The following MAPRE2 variants were observed in gnomAD, a reference collection of about 807,000 sequenced individuals.
MAPRE2 encodes microtubule-associated protein RP/EB family member 2.
MAPRE2 carries 13 observed loss-of-function variants against 43.2 expected under a neutral mutation model. The ratio of observed to expected loss-of-function variants is 0.30; its 90% CI spans 0.20 to 0.48. The LOEUF is 0.48. Ranked by LOEUF, MAPRE2 falls within the 20% of genes least tolerant of loss-of-function variation. The probability of loss-of-function intolerance (pLI) is 0.99; values close to 1 mark genes in which losing one functional copy is unlikely to be tolerated. For synonymous variants in MAPRE2, 135 were observed against 148.8 expected (o/e 0.91, Z 0.68); for missense variants, 161 against 400.2 (o/e 0.40, Z 5.10).
rs553023059 is a variant in MAPRE2 at position 35,015,872 on chromosome 18, C to T, written c.-8+10319C>T. ...AGTTTTATTACCTGGGTATATTGCA[C>T]GATGCTGACGTTTTGGGTATAACTG... On this transcript the variant is annotated intron_variant, in intron 2 of 7. Transcript: ENST00000413393. Among the ~76,000 whole-genome samples, 10 of 151,984 alleles carry T rather than the reference C, an allele frequency of 6.6e-5. No individual in the cohort carries two copies. In the South Asian group the frequency reaches 1.9e-3, roughly 28 times the overall value.
chr18:35,123,368 C>T (rs1004070838), intron 4 of MAPRE2, among the ~76,000 whole-genome samples: 11 of 152,176 alleles, frequency 7.2e-5, no homozygotes, highest in Non-Finnish European at 1.6e-4. Flanking sequence ...GATCCTAGCT[C>T]AGTTATTGCA....
At chr18:35,126,806 A>G (rs1201276687) in intron 4 of MAPRE2, 142 bp from the exon 5 acceptor site, 3 of 705,596 alleles carry the variant, frequency 4.3e-6, no homozygotes, top group Non-Finnish European at 7.0e-6. Flanking sequence ...TGAAATATTT[A>G]TACTCCTTCT....
intron 4 of MAPRE2, among the ~76,000 whole-genome samples, chr18:35,123,188 A>G (rs1909765080): frequency 6.6e-6 from 1 of 152,004 alleles, no homozygotes; most frequent in Non-Finnish European, 1.5e-5. Flanking sequence ...TCTACATCTT[A>G]TCAAACATTT....
rs912450576 is a variant in MAPRE2 at position 35,070,826 on chromosome 18, C to G, written c.250+504C>G. Among the ~76,000 whole-genome samples the G allele has an allele frequency of 3.3e-5, 5 of 152,142 alleles. No homozygotes were observed. In the East Asian group the frequency reaches 9.6e-4, roughly 29 times the overall value. ...TCTTTGTTCCCTAAAGACTCTTTCC[C>G]TTTTGTATCCCATAGCTTTTTTCAT... On this transcript the variant is annotated intron_variant, in intron 2 of 6. Transcript: ENST00000300249.
chr18:35,088,525 G>A (rs1907984797), intron 2 of MAPRE2, among the ~76,000 whole-genome samples: 1 of 152,194 alleles, frequency 6.6e-6, no homozygotes, highest in Non-Finnish European at 1.5e-5. Flanking sequence ...GGAGAGGGAT[G>A]TGATCTGAAT....
chr18:35,129,983 G>A (rs1160305651), intron 5 of MAPRE2, among the ~76,000 whole-genome samples: 1 of 152,222 alleles, frequency 6.6e-6, no homozygotes, highest in African/African-American at 2.4e-5. Context: ...AATGTTGGTA[G>A]TGGCAGCTGT....
At chr18:35,010,204 T>G (rs2097033804) in intron 2 of MAPRE2, among the ~76,000 whole-genome samples, 1 of 152,126 alleles carries the variant, frequency 6.6e-6, no homozygotes, top group African/African-American at 2.4e-5. Flanking sequence ...CTGGGCAATA[T>G]AGCAAGACCT....
chr18:35,132,698 C>T (rs1910212336), intron 6 of MAPRE2, among the ~76,000 whole-genome samples: 1 of 152,188 alleles, frequency 6.6e-6, no homozygotes, highest in African/African-American at 2.4e-5. Context: ...TGGGGAGGAG[C>T]TGCCACCAGA....
intron 1 of MAPRE2, among the ~76,000 whole-genome samples, chr18:35,003,320 A>C (rs965637633): frequency 3.3e-5 from 5 of 152,232 alleles, no homozygotes; most frequent in Non-Finnish European, 7.4e-5. Flanking sequence ...TAGTGTGGAC[A>C]TACAGATGAA....
intron 6 of MAPRE2, among the ~76,000 whole-genome samples, chr18:35,138,342 G>T (rs971491881): frequency 6.6e-6 from 1 of 152,152 alleles, no homozygotes; most frequent in Non-Finnish European, 1.5e-5. Context: ...TGGGCCTAAC[G>T]TTCCAGAAGT....
intron 1 of MAPRE2, among the ~76,000 whole-genome samples, chr18:35,059,038 C>T (rs1348819721): frequency 1.3e-5 from 2 of 148,612 alleles, no homozygotes; most frequent in Non-Finnish European, 3.0e-5. Flanking sequence ...GGCATTGTTG[C>T]AAAGATTAAA....
At chr18:34,993,992 CTTTTTT>C (rs11301716) in intron 1 of MAPRE2, among the ~76,000 whole-genome samples, 19 of 120,016 alleles carry the variant, frequency 1.6e-4, no homozygotes, top group Admixed American at 1.7e-4. Flanking sequence ...CATGGATTTT[CTTTTTT>C]TTTTTTTTTT....
In MAPRE2 at chr18:35,140,734, A is replaced by T. The variant is rs760079286; in HGVS notation, c.*365A>T. 2.7e-4 allele frequency: 61 copies of T among 224,948 alleles called. No individual in the cohort carries two copies. Among genetic ancestry groups the T allele is most frequent in the Non-Finnish European group, 4.8e-4 (54 of 113,652 alleles). 13.9% of individuals were successfully genotyped at this position (224,948 alleles called of 1,614,324 possible). On this transcript the variant is annotated 3_prime_UTR_variant, in exon 7 of 7. Transcript: ENST00000300249. ...CCTGGTGTGAAACAATGGTAATTTG[A>T]TATATGGTATTTATATTGGCATTTT...
intron 1 of MAPRE2, among the ~76,000 whole-genome samples, chr18:35,049,508 G>C (rs1905823068): frequency 1.3e-5 from 2 of 152,084 alleles, no homozygotes. Flanking sequence ...CCTCCATGCT[G>C]GGCCCTTGGA....
At chr18:35,071,148 TATA>T (rs1907098925) in intron 2 of MAPRE2, among the ~76,000 whole-genome samples, 1 of 152,206 alleles carries the variant, frequency 6.6e-6, no homozygotes, top group Admixed American at 6.5e-5. Flanking sequence ...CTGCAAGGAA[TATA>T]TATTGAGTTA....
chr18:35,102,188 G>A, intron 4 of MAPRE2, 29 bp downstream of exon 4: 3 of 1,511,232 alleles, frequency 2.0e-6, no homozygotes, highest in Non-Finnish European at 1.8e-6. Context: ...TGCGGGAGTT[G>A]CTTTCATCTT....
chr18:35,093,211 C>CAA (rs56833433), intron 2 of MAPRE2, among the ~76,000 whole-genome samples: 24 of 52,254 alleles, frequency 4.6e-4, no homozygotes, highest in Non-Finnish European at 6.3e-4. Flanking sequence ...GACCCTGTCT[C>CAA]AAAAAAAAAA....
At chr18:34,997,824 TAAAC>T (rs1295707464) in intron 1 of MAPRE2, among the ~76,000 whole-genome samples, 2 of 152,086 alleles carry the variant, frequency 1.3e-5, no homozygotes, top group East Asian at 1.9e-4. Context: ...CTCAAACAAA[TAAAC>T]AATCAAAATG....
chr18:35,125,311 A>G (rs1909859779), intron 4 of MAPRE2, among the ~76,000 whole-genome samples: 1 of 152,232 alleles, frequency 6.6e-6, no homozygotes, highest in South Asian at 2.1e-4. Context: ...ACCTGTCTTT[A>G]TAACCCTTCG....
Sources: gnomAD v4.1 joint callset for allele counts (sites outside exome capture counted in the v4.1 genomes callset) on GRCh38, gnomAD v4.1.1 for gene constraint, MANE v1.5 for transcripts, NCBI Gene and HGNC (gene_info 2026-07-23, HGNC 2026-07-21) for gene names.